RPS6KA2: variants seen among roughly 807,000 people sequenced by gnomAD.
The protein encoded by RPS6KA2 is ribosomal protein S6 kinase alpha-2.
RPS6KA2 carries 42 observed loss-of-function variants against 91.8 expected under a neutral mutation model. The ratio of observed to expected loss-of-function variants is 0.46; its 90% CI spans 0.36 to 0.59. The LOEUF is 0.59. Ranked by LOEUF, RPS6KA2 falls within the 20% of genes least tolerant of loss-of-function variation. RPS6KA2 has a pLI of 0.00. For synonymous variants in RPS6KA2, 414 were observed against 393.6 expected (o/e 1.05, Z -0.61); for missense variants, 798 against 978.5 (o/e 0.82, Z 2.46).
At chr6:166,835,575 A>C (rs1177392224) in intron 2 of RPS6KA2, among the ~76,000 whole-genome samples, 2 of 152,236 alleles carry the variant, frequency 1.3e-5, no homozygotes, top group Non-Finnish European at 2.9e-5. Context: ...GAAATAAAAA[A>C]TTGACTTTGG....
chr6:166,625,378 C>T (rs991312616), intron 1 of RPS6KA2, among the ~76,000 whole-genome samples: 6 of 136,304 alleles, frequency 4.4e-5, no homozygotes, highest in Admixed American at 7.8e-5. Flanking sequence ...GGAGGCACGC[C>T]TGCAGCCCAG....
intron 3 of RPS6KA2, among the ~76,000 whole-genome samples, chr6:166,527,775 T>C (rs1276649468): frequency 1.3e-5 from 2 of 152,208 alleles, no homozygotes; most frequent in Non-Finnish European, 2.9e-5. Context: ...CTGCCTCTCC[T>C]GGACGGTCAT....
At chr6:166,541,828 T>C (rs1783665736) in intron 1 of RPS6KA2, among the ~76,000 whole-genome samples, 1 of 152,246 alleles carries the variant, frequency 6.6e-6, no homozygotes, top group African/African-American at 2.4e-5. Flanking sequence ...CAAATGTACC[T>C]GAAGTACACA....
chr6:166,857,341 G>A (rs1325751966), intron 2 of RPS6KA2, among the ~76,000 whole-genome samples: 1 of 152,146 alleles, frequency 6.6e-6, no homozygotes, highest in Non-Finnish European at 1.5e-5. Context: ...CAAGTCAATG[G>A]CCCACGGCTC....
chr6:166,819,647 T>G (rs1393459703), intron 2 of RPS6KA2, among the ~76,000 whole-genome samples: 2 of 152,202 alleles, frequency 1.3e-5, no homozygotes, highest in Non-Finnish European at 1.5e-5. Flanking sequence ...GGTAAAAATC[T>G]TTAAAGTAAA....
intron 2 of RPS6KA2, among the ~76,000 whole-genome samples, chr6:166,747,268 C>T (rs1791048816): frequency 6.6e-6 from 1 of 152,142 alleles, no homozygotes; most frequent in African/African-American, 2.4e-5. Context: ...CCAGTCCTCC[C>T]ATTCGTGTAC....
At chr6:166,647,885 CAT>C (rs1216561508) in intron 2 of RPS6KA2, among the ~76,000 whole-genome samples, 5 of 147,602 alleles carry the variant, frequency 3.4e-5, no homozygotes, top group African/African-American at 5.0e-5. Flanking sequence ...TGCTGACACA[CAT>C]ACATACACAC....
chr6:166,429,442 T>G (rs1298170040), intron 16 of RPS6KA2, among the ~76,000 whole-genome samples: 1 of 152,006 alleles, frequency 6.6e-6, no homozygotes, highest in Non-Finnish European at 1.5e-5. Context: ...ATAATAATAA[T>G]AAAATTAAAA....
chr6:166,640,822 G>A (rs1406972706), intron 2 of RPS6KA2, among the ~76,000 whole-genome samples: 2 of 144,188 alleles, frequency 1.4e-5, no homozygotes, highest in Admixed American at 6.9e-5. Context: ...GGTGTGGGGG[G>A]TCGGATCCGA....
At chr6:166,591,227 G>A (rs985556886) in intron 1 of RPS6KA2, among the ~76,000 whole-genome samples, 6 of 152,128 alleles carry the variant, frequency 3.9e-5, no homozygotes, top group Admixed American at 2.6e-4. Flanking sequence ...AGGCCCTGGG[G>A]GCACCTCGGA....
chr6:166,771,263 C>T (rs557221669), intron 2 of RPS6KA2, among the ~76,000 whole-genome samples: 17 of 152,316 alleles, frequency 1.1e-4, no homozygotes, highest in African/African-American at 2.2e-4. Context: ...GCATCAGTGA[C>T]GAGCAGGCAA....
intron 1 of RPS6KA2, among the ~76,000 whole-genome samples, chr6:166,619,218 C>T (rs1389556046): frequency 3.9e-5 from 6 of 152,198 alleles, no homozygotes; most frequent in Non-Finnish European, 1.5e-5. Context: ...CAGACCCAAC[C>T]TCATGCTGTG....
chr6:166,616,512 A>G (rs1009169431), intron 1 of RPS6KA2, among the ~76,000 whole-genome samples: 9 of 152,228 alleles, frequency 5.9e-5, no homozygotes, highest in Admixed American at 6.5e-5. Flanking sequence ...ACAGTTGCGG[A>G]CAGCTCCGGT....
At chr6:166,629,792 T>A (rs1006998116), upstream of RPS6KA2, among the ~76,000 whole-genome samples, 3 of 152,296 alleles carry the variant, frequency 2.0e-5, no homozygotes, top group Non-Finnish European at 4.4e-5. Context: ...AGTTTGAGAC[T>A]GAATTCCGTG....
intron 11 of RPS6KA2, among the ~76,000 whole-genome samples, chr6:166,469,570 C>A (rs1780679326): frequency 6.6e-6 from 1 of 152,246 alleles, no homozygotes; most frequent in Non-Finnish European, 1.5e-5. Context: ...GAAGCCTCGA[C>A]TCTGATGGGC....
At chr6:166,702,129 T>C in intron 2 of RPS6KA2, 2 of 1,552,260 alleles carry the variant, frequency 1.3e-6, no homozygotes, top group East Asian at 2.2e-5. Flanking sequence ...GCATTTTCTT[T>C]ACGGTGGACA....
Position 166,410,938 on chromosome 6 carries a change from G to C in RPS6KA2, c.*1824C>G, listed in dbSNP as rs1562473219. ...CCACTTCTTCCTAAGTTTCTAAAAA[G>C]AAGTGAAATAATTAAGACCTAAAAA... On this transcript the variant is annotated 3_prime_UTR_variant, in exon 21 of 21. Coordinates refer to ENST00000265678, the MANE Select transcript of RPS6KA2 (RefSeq NM_021135.6). 6.6e-6 allele frequency: 1 copy of C among 152,154 alleles called. No individual in the cohort carries two copies. Among genetic ancestry groups the C allele is most frequent in the Non-Finnish European group, 1.5e-5 (1 of 68,030 alleles). 9.4% of individuals were successfully genotyped at this position (152,154 alleles called of 1,614,324 possible).
At chr6:166,506,356 G>A (rs777357230) in intron 5 of RPS6KA2, among the ~76,000 whole-genome samples, 1 of 152,148 alleles carries the variant, frequency 6.6e-6, no homozygotes, top group Non-Finnish European at 1.5e-5. Flanking sequence ...TGGTCAGGGG[G>A]CCCAACCACA....
chr6:166,588,955 GGGA>G (rs992719086), intron 1 of RPS6KA2, among the ~76,000 whole-genome samples: 1 of 152,234 alleles, frequency 6.6e-6, no homozygotes, highest in Non-Finnish European at 1.5e-5. Flanking sequence ...CCAAATTGGG[GGGA>G]GGAGGAGTGG....
Sources: gnomAD v4.1 joint callset for allele counts (sites outside exome capture counted in the v4.1 genomes callset) on GRCh38, gnomAD v4.1.1 for gene constraint, MANE v1.5 for transcripts, NCBI Gene and HGNC (gene_info 2026-07-23, HGNC 2026-07-21) for gene names.